The following FAAH2 variants were observed in gnomAD, a reference collection of about 807,000 sequenced individuals.
The protein encoded by FAAH2 is fatty acid amide hydrolase 2.
A neutral mutation model predicts 36.9 loss-of-function variants in FAAH2; 60 were observed. The ratio of observed to expected loss-of-function variants is 1.63; its 90% CI spans 1.32 to 2.02. The LOEUF is 2.02. FAAH2 is among the 30% of genes most tolerant of loss of function. FAAH2 has a pLI of 0.00. For missense variants in FAAH2, 689 were observed against 397.5 expected (o/e 1.73, Z -6.23); for synonymous variants, 214 against 143.8 (o/e 1.49, Z -3.49).
At chrX:57,351,169 G>A (rs969257421) in intron 5 of FAAH2, among the ~76,000 whole-genome samples, 3 of 111,243 alleles carry the variant, frequency 2.7e-5, no homozygotes, top group Admixed American at 9.6e-5. Context: ...AACACTACTA[G>A]AAATTAATAC....
At chrX:57,180,796 A>C in the FAAH2 span, among the ~76,000 whole-genome samples, 1 of 111,629 alleles carries the variant, frequency 9.0e-6, no homozygotes, top group Non-Finnish European at 1.9e-5. Flanking sequence ...GGCCAGCATT[A>C]TCCTGACATC....
the FAAH2 span, chrX:57,136,891 T>C: frequency 3.0e-6 from 2 of 670,678 alleles, no homozygotes; most frequent in East Asian, 4.0e-5. Context: ...CCTTTACCCT[T>C]TACTGCCACT....
At chrX:57,458,977 T>C (rs1003733164) in intron 10 of FAAH2, among the ~76,000 whole-genome samples, 2 of 111,555 alleles carry the variant, frequency 1.8e-5, no homozygotes, top group Admixed American at 1.9e-4. Flanking sequence ...ACAGAACCGT[T>C]CACTCCCCTG....
At chrX:57,284,890 G>T (rs1300423879), upstream of FAAH2, among the ~76,000 whole-genome samples, 1 of 112,008 alleles carries the variant, frequency 8.9e-6, no homozygotes, top group Non-Finnish European at 1.9e-5. Flanking sequence ...AAAACATAAT[G>T]AGTGCTGGAT....
the FAAH2 span, among the ~76,000 whole-genome samples, chrX:57,186,336 T>A: frequency 1.8e-5 from 2 of 112,518 alleles, no homozygotes; most frequent in Non-Finnish European, 3.8e-5. Context: ...ATGAGCTTGT[T>A]TTCATATGTT....
chrX:57,389,262 G>GCA (rs754135741), intron 7 of FAAH2, among the ~76,000 whole-genome samples: 11 of 65,567 alleles, frequency 1.7e-4, no homozygotes, highest in African/African-American at 3.0e-4. Context: ...ACATACACAC[G>GCA]CACACACACA....
the FAAH2 span, among the ~76,000 whole-genome samples, chrX:57,168,524 C>G: frequency 8.9e-6 from 1 of 112,068 alleles, no homozygotes; most frequent in Non-Finnish European, 1.9e-5. Flanking sequence ...TCTCCTTTGG[C>G]TTAAAAGAGA....
chrX:57,448,384 T>G, intron 9 of FAAH2, 140 bp from the exon 10 acceptor site: 1 of 574,960 alleles, frequency 1.7e-6, no homozygotes. Context: ...AAAAGTAAGA[T>G]TATAAAGTTT....
chrX:57,150,514 A>G, the FAAH2 span, among the ~76,000 whole-genome samples: 5 of 111,836 alleles, frequency 4.5e-5, no homozygotes, highest in East Asian at 1.4e-3. Flanking sequence ...CTATTATGTA[A>G]TGGTCTTCTT....
chrX:57,245,086 C>T, the FAAH2 span, among the ~76,000 whole-genome samples: 1 of 110,890 alleles, frequency 9.0e-6, no homozygotes, highest in African/African-American at 3.3e-5. Context: ...CAATCCTAGT[C>T]GCTGAAAAAA....
chrX:57,241,107 T>G, the FAAH2 span, among the ~76,000 whole-genome samples: 1 of 112,406 alleles, frequency 8.9e-6, no homozygotes, highest in Non-Finnish European at 1.9e-5. Context: ...CTCTTTCTGC[T>G]AGCTCAAATG....
chrX:57,481,921 G>C (rs777851272), intron 10 of FAAH2, among the ~76,000 whole-genome samples: 1 of 111,745 alleles, frequency 8.9e-6, no homozygotes, highest in African/African-American at 3.3e-5. Context: ...CACCCGACTG[G>C]GGCTGTTACC....
At chrX:57,324,068 G>C (rs1454334650) in intron 3 of FAAH2, among the ~76,000 whole-genome samples, 1 of 111,726 alleles carries the variant, frequency 9.0e-6, no homozygotes, top group Admixed American at 9.5e-5. Context: ...TGGCTAGCCA[G>C]TTTTCCCAGC....
At chrX:57,254,777 G>A in the FAAH2 span, among the ~76,000 whole-genome samples, 1 of 112,006 alleles carries the variant, frequency 8.9e-6, no homozygotes. Context: ...TTAAAGCAGT[G>A]TGTAGAGGGA....
chrX:57,123,674 T>G, the FAAH2 span, among the ~76,000 whole-genome samples: 1,047 of 112,199 alleles, frequency 9.3e-3, 15 homozygotes, highest in African/African-American at 0.031. Flanking sequence ...GTTGTTTCCT[T>G]ACTTTTTAAT....
At chrX:57,438,579 A>T (rs1299124953) in intron 8 of FAAH2, among the ~76,000 whole-genome samples, 1 of 110,236 alleles carries the variant, frequency 9.1e-6, no homozygotes, top group Non-Finnish European at 1.9e-5. Flanking sequence ...ATTAGAAAAC[A>T]TTCTTTTTTT....
chrX:57,381,132 G>A (rs924013045), intron 7 of FAAH2, 103 bp downstream of exon 7: 15 of 568,637 alleles, frequency 2.6e-5, no homozygotes, highest in African/African-American at 1.7e-4. Flanking sequence ...GTCAGCATAC[G>A]GAATTAAGGT....
intron 5 of FAAH2, among the ~76,000 whole-genome samples, chrX:57,356,109 C>G (rs1018219505): frequency 9.0e-6 from 1 of 110,570 alleles, no homozygotes; most frequent in Non-Finnish European, 1.9e-5. Context: ...ACAATTGTTT[C>G]ATTCCAGCAA....
At chrX:57,296,012 C>T (rs1177105150) in intron 2 of FAAH2, among the ~76,000 whole-genome samples, 6 of 112,511 alleles carry the variant, frequency 5.3e-5, no homozygotes, top group East Asian at 2.8e-4. Flanking sequence ...CCTCTGTGGG[C>T]TCCACCTCTG....
Sources: gnomAD v4.1 joint callset for allele counts (sites outside exome capture counted in the v4.1 genomes callset) on GRCh38, gnomAD v4.1.1 for gene constraint, MANE v1.5 for transcripts, NCBI Gene and HGNC (gene_info 2026-07-23, HGNC 2026-07-21) for gene names.